Variants in PALS1 observed in about 807,000 individuals in gnomAD.
The protein encoded by PALS1 is protein associated with LIN7 1, MAGUK p55 family member.
In PALS1, 31 loss-of-function variants were observed where a neutral mutation model predicts 78.9. That is an observed-to-expected ratio of 0.39 (90% CI 0.30 to 0.53). The LOEUF (loss-of-function observed/expected upper bound fraction) is 0.53. Ranked by LOEUF, PALS1 falls within the 20% of genes least tolerant of loss-of-function variation. PALS1 has a pLI of 0.67. For synonymous variants in PALS1, 276 were observed against 270.9 expected, an observed-to-expected ratio of 1.02 and a Z score of -0.18; for missense variants, 704 against 826.5, an observed-to-expected ratio of 0.85 and a Z score of 1.82.
chr14:67,313,218 T>C (rs1259507804), intron 9 of PALS1, among the ~76,000 whole-genome samples: 1 of 152,176 alleles, frequency 6.6e-6, no homozygotes, highest in Non-Finnish European at 1.5e-5. Flanking sequence ...ACATTATAGA[T>C]TAAGATTATT....
In PALS1 at chr14:67,301,456, C is replaced by T. The variant is rs1280842900; in HGVS notation, c.644C>T (p.Pro215Leu). The T allele has an allele frequency of 6.2e-7, 1 of 1,607,250 alleles. No individual in the cohort carries two copies. The highest frequency in any genetic ancestry group is 8.5e-7 in the Non-Finnish European group (1 of 1,175,216). Reference sequence around the variant, plus strand: ...GAACTAACTGCTTTGCTGAATACTCCACATATTCAGGTAGAAAATGGACAG... The same window carrying T: ...GAACTAACTGCTTTGCTGAATACTCTACATATTCAGGTAGAAAATGGACAG... Reference protein sequence around the residue: ...GQELTALLNTPHIQALLLAHD... With the variant: ...GQELTALLNTLHIQALLLAHD... Residue 215 changes from proline to leucine, a missense_variant, in exon 5 of 15, where the codon CCA (proline) becomes CTA (leucine). Physicochemically the swap from Pro to Leu is moderately conservative, Grantham distance 98. Transcript: ENST00000261681.
At chr14:67,273,033 G>C (rs17104188) in intron 2 of PALS1, among the ~76,000 whole-genome samples, 23,366 of 151,292 alleles carry the variant, frequency 0.15, 3,538 homozygotes, top group East Asian at 0.42. Context: ...GTTGAGGACC[G>C]CATTTCTAAT....
intron 1 of PALS1, among the ~76,000 whole-genome samples, chr14:67,258,622 A>C (rs927778561): frequency 6.6e-6 from 1 of 152,106 alleles, no homozygotes; most frequent in Non-Finnish European, 1.5e-5. Flanking sequence ...AGGTTTCACT[A>C]TCTTGCCCAG....
At chr14:67,252,230 C>G (rs58954149) in intron 1 of PALS1, among the ~76,000 whole-genome samples, 23,482 of 152,106 alleles carry the variant, frequency 0.15, 3,426 homozygotes, top group East Asian at 0.42. Context: ...TGCTCTGTCA[C>G]CCAGGCTGGA....
At chr14:67,296,662 T>C (rs1356008874) in intron 4 of PALS1, among the ~76,000 whole-genome samples, 1 of 151,332 alleles carries the variant, frequency 6.6e-6, no homozygotes, top group Non-Finnish European at 1.5e-5. Context: ...ATTTATGCTA[T>C]GATGGATTAC....
chr14:67,280,849 TTCCTTCCCTCCCTCCC>T (rs1242104607), intron 3 of PALS1, among the ~76,000 whole-genome samples: 3 of 101,524 alleles, frequency 3.0e-5, no homozygotes, highest in East Asian at 4.4e-4. Context: ...CCTTCCTTCC[TTCCTTCCCTCCCTCCC>T]TCCCTCCCTC....
intron 8 of PALS1, among the ~76,000 whole-genome samples, chr14:67,310,238 C>A (rs2085069300): frequency 6.6e-6 from 1 of 151,966 alleles, no homozygotes; most frequent in African/African-American, 2.4e-5. Flanking sequence ...AGAAAGATTT[C>A]AAGATTTTAA....
intron 3 of PALS1, among the ~76,000 whole-genome samples, chr14:67,292,225 ATTTC>A (rs1043735209): frequency 1.1e-3 from 165 of 152,232 alleles, no homozygotes; most frequent in African/African-American, 3.8e-3. Context: ...GTGGTTTTAA[ATTTC>A]TTTATTTTTG....
intron 14 of PALS1, among the ~76,000 whole-genome samples, chr14:67,324,068 C>T (rs1464344280): frequency 2.0e-5 from 3 of 152,202 alleles, no homozygotes; most frequent in Non-Finnish European, 4.4e-5. Flanking sequence ...GGAGATGTGA[C>T]TGCCACCAAA....
At position 67,279,446 on chromosome 14, in the gene PALS1, A is replaced by C; in HGVS notation, c.276A>C (p.Gln92His). 1 of 1,613,418 alleles carries C rather than the reference A, an allele frequency of 6.2e-7. No homozygotes were observed. The highest frequency in any genetic ancestry group is 8.5e-7 in the Non-Finnish European group (1 of 1,179,748). The change falls in exon 3 of 15, where the codon CAA becomes CAC. Residue 92 changes from glutamine (Q) to histidine (H), a missense_variant. Coordinates refer to ENST00000261681, the MANE Select transcript of PALS1 (RefSeq NM_022474.4). Reference sequence around the variant, plus strand: ...CCATGAGACTTAAGAAACTAGCCCAAATTCCTCCAAAGACCGGAATAGATA... The same window carrying C: ...CCATGAGACTTAAGAAACTAGCCCACATTCCTCCAAAGACCGGAATAGATA... ...NSSMRLKKLA[Q>H]IPPKTGIDNP...
chr14:67,297,285 G>T (rs550928326), intron 4 of PALS1, among the ~76,000 whole-genome samples: 5 of 152,140 alleles, frequency 3.3e-5, no homozygotes, highest in Admixed American at 1.3e-4. Context: ...GAATTATGAA[G>T]TTGTATAGGA....
At chr14:67,282,621 AT>A (rs1388715254) in intron 3 of PALS1, among the ~76,000 whole-genome samples, 1 of 152,122 alleles carries the variant, frequency 6.6e-6, no homozygotes, top group Non-Finnish European at 1.5e-5. Context: ...AGCAGTTAGA[AT>A]TTTTTTGAAA....
chr14:67,295,862 A>G (rs1277492538), intron 4 of PALS1, among the ~76,000 whole-genome samples: 1 of 152,230 alleles, frequency 6.6e-6, no homozygotes, highest in African/African-American at 2.4e-5. Flanking sequence ...TTGTAGGTAT[A>G]TAGCCAAGAG....
chr14:67,284,776 T>TA (rs2084660203), intron 3 of PALS1, among the ~76,000 whole-genome samples: 1 of 152,102 alleles, frequency 6.6e-6, no homozygotes, highest in Non-Finnish European at 1.5e-5. Flanking sequence ...TCTTTTCACT[T>TA]ACCATTATGT....
At chr14:67,316,510 C>T (rs2085178426) in intron 9 of PALS1, among the ~76,000 whole-genome samples, 1 of 152,080 alleles carries the variant, frequency 6.6e-6, no homozygotes, top group South Asian at 2.1e-4. Context: ...GACCTAGAAC[C>T]ATTGTAAGAT....
At chr14:67,315,672 T>A (rs1409560774) in intron 9 of PALS1, among the ~76,000 whole-genome samples, 4 of 152,200 alleles carry the variant, frequency 2.6e-5, no homozygotes, top group African/African-American at 9.6e-5. Context: ...ATGCCCCTAA[T>A]CCTGGCACTT....
chr14:67,278,965 CT>C, intron 2 of PALS1, 52 bp from the exon 3 acceptor site: 1 of 448,632 alleles, frequency 2.2e-6, no homozygotes, highest in Non-Finnish European at 3.8e-6. Flanking sequence ...CTGTAAAAAC[CT>C]GCTTTTATAT....
chr14:67,245,916 A>G lies in PALS1; in HGVS notation c.-237+4383A>G, dbSNP rs549256211. Among the ~76,000 whole-genome samples the G allele has an allele frequency of 8.5e-4, 129 of 151,348 alleles. 1 individual carries two copies. Among genetic ancestry groups the G allele is most frequent in the Non-Finnish European group, 3.4e-4 (23 of 67,770 alleles). On this transcript the variant is annotated intron_variant, in intron 1 of 14. Transcript: ENST00000261681. Reference sequence around the variant, plus strand: ...AATTTTATTTTTAGATCTATGTTCCATTTTGAGTTTATTTTTGTATAAAAT... The same window carrying G: ...AATTTTATTTTTAGATCTATGTTCCGTTTTGAGTTTATTTTTGTATAAAAT...
intron 14 of PALS1, among the ~76,000 whole-genome samples, chr14:67,325,882 C>T (rs2141021552): frequency 6.6e-6 from 1 of 151,394 alleles, no homozygotes; most frequent in East Asian, 1.9e-4. Flanking sequence ...AATCTTGGCT[C>T]ACTGCAACCT....
Sources: allele counts gnomAD v4.1 joint callset (sites outside exome capture counted in the v4.1 genomes callset), GRCh38; gene constraint gnomAD v4.1.1; transcripts MANE v1.5; gene names NCBI Gene and HGNC (gene_info 2026-07-23, HGNC 2026-07-21).